Variants in PGAP4 observed in about 807,000 individuals in gnomAD.
PGAP4 encodes GPI-N-acetylgalactosamine transferase PGAP4.
Under a neutral mutation model 28.2 loss-of-function variants are expected in PGAP4, and 12 were observed. That is an observed-to-expected ratio of 0.42 (90% CI 0.27 to 0.69). The LOEUF (loss-of-function observed/expected upper bound fraction) is 0.69, where lower values mean the gene tolerates loss of function less well. Among genes scored for constraint, PGAP4 ranks in the 30% least tolerant of loss-of-function variants. The pLI is 0.22. For missense variants in PGAP4, 425 were observed against 513.5 expected (o/e 0.83, Z 1.67); for synonymous variants, 205 against 211.8 (o/e 0.97, Z 0.28).
intron 2 of PGAP4, among the ~76,000 whole-genome samples, chr9:101,501,387 C>G (rs1341302783): frequency 6.6e-6 from 1 of 152,034 alleles, no homozygotes; most frequent in Non-Finnish European, 1.5e-5. Flanking sequence ...ATTCCATTGA[C>G]AAGCAGGAAG....
rs1232454542 is a variant in PGAP4, at chr9:101,504,213, T to G, written c.-164-15013A>C. Among the ~76,000 whole-genome samples the G allele has an allele frequency of 1.0e-3, 97 of 96,878 alleles. 1 individual carries two copies. Among genetic ancestry groups the G allele is most frequent in the African/African-American group, 3.8e-3 (78 of 20,746 alleles). 63.6% of individuals were successfully genotyped at this position (96,878 alleles called of 152,430 possible). A position where few individuals can be genotyped will look rare whatever the true frequency, so the allele number is the denominator to read the frequency against. Reference sequence around the variant, plus strand: ...TTTGTGTGTGTGTGTGTGTTTGTTTTTTTTTTTTTTTTTTTTTTTTTTTTG... The same window carrying G: ...TTTGTGTGTGTGTGTGTGTTTGTTTGTTTTTTTTTTTTTTTTTTTTTTTTG... On this transcript the variant is annotated intron_variant, in intron 2 of 3. Coordinates refer to the PGAP4 transcript ENST00000374851.
Position 101,475,978 on chromosome 9 carries a change from G to A in PGAP4, c.1115C>T (p.Ala372Val), listed in dbSNP as rs751121272. 5 of 1,614,150 alleles carry A rather than the reference G, an allele frequency of 3.1e-6. No individual in the cohort carries two copies. The South Asian group carries it at 4.4e-5, about 14-fold the overall frequency. The change falls in exon 2 of 2, where the codon GCC (alanine) becomes GTC (valine). Residue 372 changes from alanine to valine, a missense_variant. Coordinates refer to ENST00000374848, the MANE Select transcript of PGAP4 (RefSeq NM_032342.3). ...CACTACATAGGCCCTCTCTCCCTTG[G>A]CCCTCAACAGCGAGTACAGTGCCAT... ...KDMALYSLLR[A>V]KGERAYVVEP...
chr9:101,477,181 G>A lies in PGAP4; in HGVS notation c.-77-12C>T. On this transcript the variant is annotated splice_polypyrimidine_tract_variant and intron_variant, in intron 1 of 1. Transcript: ENST00000374848. ...ATCAGAAATCAAACCTAAAGAGAGAGGAAGTAGGGAATGGTAAGAGTAACT... is the reference window on the plus strand; with the variant it reads ...ATCAGAAATCAAACCTAAAGAGAGAAGAAGTAGGGAATGGTAAGAGTAACT... 2.1e-6 allele frequency: 3 copies of A among 1,452,414 alleles called. No homozygotes were observed. The highest frequency in any genetic ancestry group is 1.8e-6 in the Non-Finnish European group (2 of 1,103,754). The allele number at this position is 1,452,414 out of a possible 1,614,324, so 90.0% of individuals were successfully genotyped here.
intron 1 of PGAP4, among the ~76,000 whole-genome samples, chr9:101,532,476 T>C (rs1256218521): frequency 1.3e-5 from 2 of 152,160 alleles, no homozygotes; most frequent in African/African-American, 4.8e-5. Context: ...GGACAGCCAA[T>C]ACTGTCTAAA....
intron 2 of PGAP4, among the ~76,000 whole-genome samples, chr9:101,523,091 A>T (rs1827001855): frequency 6.6e-6 from 1 of 152,190 alleles, no homozygotes; most frequent in Non-Finnish European, 1.5e-5. Context: ...CTGCTAAGAA[A>T]TCTGCTGTTA....
upstream of PGAP4, among the ~76,000 whole-genome samples, chr9:101,491,505 A>C (rs1008374061): frequency 6.6e-6 from 1 of 152,108 alleles, no homozygotes; most frequent in African/African-American, 2.4e-5. Flanking sequence ...CATTTTGTAC[A>C]TAGGCCCATT....
chr9:101,495,873 C>G (rs1237575174), intron 2 of PGAP4, among the ~76,000 whole-genome samples: 1 of 151,026 alleles, frequency 6.6e-6, no homozygotes, highest in Admixed American at 6.6e-5. Flanking sequence ...AACATCCTCC[C>G]ATAGTGTGAT....
At chr9:101,533,180 A>G (rs988768774) in exon 1 of PGAP4, 2 of 152,190 alleles carry the variant, frequency 1.3e-5, no homozygotes, top group Non-Finnish European at 2.9e-5. Flanking sequence ...TTCCCTGGAC[A>G]ATTTCTTGTT....
chr9:101,483,761 G>T (rs1262556494), intron 1 of PGAP4, among the ~76,000 whole-genome samples: 3 of 151,622 alleles, frequency 2.0e-5, no homozygotes, highest in Non-Finnish European at 2.9e-5. Context: ...CCAGTCAAAA[G>T]GGAAAAAAAT....
chr9:101,515,824 A>T (rs1826939453), intron 2 of PGAP4, among the ~76,000 whole-genome samples: 2 of 152,178 alleles, frequency 1.3e-5, no homozygotes, highest in Non-Finnish European at 2.9e-5. Flanking sequence ...TGATTAAAGG[A>T]TATAAAGTTT....
intron 2 of PGAP4, among the ~76,000 whole-genome samples, chr9:101,516,420 C>T (rs1214431261): frequency 1.3e-5 from 2 of 152,134 alleles, no homozygotes; most frequent in African/African-American, 2.4e-5. Context: ...TGAAATCAGA[C>T]TTTATCTTCA....
intron 2 of PGAP4, among the ~76,000 whole-genome samples, chr9:101,498,959 G>C (rs1388789925): frequency 6.6e-6 from 1 of 151,950 alleles, no homozygotes; most frequent in Non-Finnish European, 1.5e-5. Context: ...ACCAAGGTAA[G>C]AGTGTTCACA....
chr9:101,496,476 T>C (rs1826750174), intron 2 of PGAP4, among the ~76,000 whole-genome samples: 1 of 151,530 alleles, frequency 6.6e-6, no homozygotes, highest in Non-Finnish European at 1.5e-5. Context: ...GAAAACGTTA[T>C]TGTTTCAATG....
chr9:101,479,098 T>C, intron 1 of PGAP4, among the ~76,000 whole-genome samples: 1 of 106,208 alleles, frequency 9.4e-6, no homozygotes, highest in African/African-American at 4.0e-5. Flanking sequence ...CAAGGAGAGG[T>C]TTGAATTATG....
chr9:101,506,862 C>T (rs2118601118), intron 2 of PGAP4, among the ~76,000 whole-genome samples: 1 of 152,150 alleles, frequency 6.6e-6, no homozygotes, highest in East Asian at 1.9e-4. Flanking sequence ...TGTAACTCCC[C>T]AGTCTTCCCT....
intron 2 of PGAP4, among the ~76,000 whole-genome samples, chr9:101,529,343 C>T (rs982066658): frequency 6.6e-6 from 1 of 152,032 alleles, no homozygotes; most frequent in Admixed American, 6.5e-5. Context: ...TTAGTAGGGA[C>T]AGGGTTTCAC....
At chr9:101,494,984 A>G (rs558238252) in intron 2 of PGAP4, among the ~76,000 whole-genome samples, 1 of 149,060 alleles carries the variant, frequency 6.7e-6, no homozygotes, top group Non-Finnish European at 1.5e-5. Context: ...ATTATCACTG[A>G]TAACATTAGA....
chr9:101,495,404 A>G (rs1459632267), intron 2 of PGAP4, among the ~76,000 whole-genome samples: 1 of 134,496 alleles, frequency 7.4e-6, no homozygotes, highest in African/African-American at 2.8e-5. Flanking sequence ...TATATTTTAT[A>G]TATAATATAT....
chr9:101,493,126 C>A (rs9775687), intron 2 of PGAP4, among the ~76,000 whole-genome samples: 1 of 151,422 alleles, frequency 6.6e-6, no homozygotes, highest in Admixed American at 6.6e-5. Context: ...TGGTGGCAGG[C>A]GCTCGTAGTC....
Sources: gnomAD v4.1 joint callset for allele counts (sites outside exome capture counted in the v4.1 genomes callset) on GRCh38, gnomAD v4.1.1 for gene constraint, MANE v1.5 for transcripts, NCBI Gene and HGNC (gene_info 2026-07-23, HGNC 2026-07-21) for gene names.